Variants in DNAAF4 observed in about 807,000 individuals in gnomAD.
DNAAF4 encodes the protein dynein assembly factor 4, axonemal.
DNAAF4 carries 43 observed loss-of-function variants against 51.8 expected under a neutral mutation model. That is an observed-to-expected ratio of 0.83 (90% confidence interval 0.65 to 1.07). The LOEUF (loss-of-function observed/expected upper bound fraction) is 1.07, where lower values mean the gene tolerates loss of function less well. DNAAF4 is among the 50% of genes least tolerant of loss of function. The probability of loss-of-function intolerance (pLI) is 0.00; values close to 1 mark genes in which losing one functional copy is unlikely to be tolerated. For synonymous variants in DNAAF4, 194 were observed against 165.6 expected (o/e 1.17, Z -1.32); for missense variants, 581 against 493.0 (o/e 1.18, Z -1.69).
chr15:55,451,118 T>A (rs979371157), intron 5 of DNAAF4, among the ~76,000 whole-genome samples: 1 of 151,592 alleles, frequency 6.6e-6, no homozygotes, highest in African/African-American at 2.4e-5. Flanking sequence ...AAACGAAAAC[T>A]AGGAAAGGGT....
At chr15:55,460,179 A>ATTTTTTTTTTTTT in intron 5 of DNAAF4, among the ~76,000 whole-genome samples, 1 of 123,792 alleles carries the variant, frequency 8.1e-6, no homozygotes, top group Non-Finnish European at 1.9e-5. Flanking sequence ...TTATTTACTT[A>ATTTTTTTTTTTTT]TTTATTTATT....
intron 8 of DNAAF4, 61 bp from the exon 9 acceptor site, chr15:55,432,663 A>C: frequency 6.8e-7 from 1 of 1,467,546 alleles, no homozygotes; most frequent in Non-Finnish European, 9.3e-7. Context: ...AACAAGCAAA[A>C]GGCTGGGCAT....
At chr15:55,425,416 C>G (rs923752899), downstream of DNAAF4, among the ~76,000 whole-genome samples, 1 of 152,156 alleles carries the variant, frequency 6.6e-6, no homozygotes, top group Non-Finnish European at 1.5e-5. Context: ...CCTTCATTAC[C>G]CAACCTACTC....
chr15:55,442,717 T>G (rs1249525630), intron 6 of DNAAF4: 1 of 1,512,280 alleles, frequency 6.6e-7, no homozygotes, highest in Non-Finnish European at 9.2e-7. Context: ...ACTCTGAACA[T>G]TACTGGAAAC....
intron 4 of DNAAF4, among the ~76,000 whole-genome samples, chr15:55,479,041 G>A (rs976863709): frequency 2.6e-5 from 4 of 151,608 alleles, no homozygotes; most frequent in Non-Finnish European, 5.9e-5. Flanking sequence ...CTACTTTAAA[G>A]GATATGCAGT....
At chr15:55,443,220 G>C in intron 6 of DNAAF4, 1 of 1,609,182 alleles carries the variant, frequency 6.2e-7, no homozygotes, top group Non-Finnish European at 8.5e-7. Context: ...GGACAGAATA[G>C]TCCTTAAGAA....
rs541133292 is a variant in DNAAF4 at position 55,453,644 on chromosome 15, G to A, written c.638-3277C>T. On this transcript the variant is annotated intron_variant, in intron 5 of 9. Transcript: ENST00000321149. ...CGGCTCACTGCAAGCTCTGCCTCCCGGGTTCACGCCATTCTCCTGCCTCAG... is the reference window on the plus strand; with the variant it reads ...CGGCTCACTGCAAGCTCTGCCTCCCAGGTTCACGCCATTCTCCTGCCTCAG... 2.5e-4 allele frequency among the ~76,000 whole-genome samples: 36 copies of A among 145,102 alleles called. No homozygotes were observed. The Middle Eastern group carries it at 0.011, about 43-fold the overall frequency.
At chr15:55,424,763 A>G (rs561920688) in intron 7 of DNAAF4, among the ~76,000 whole-genome samples, 1 of 151,756 alleles carries the variant, frequency 6.6e-6, no homozygotes, top group Non-Finnish European at 1.5e-5. Context: ...GGGTTTCACC[A>G]TGTTGGTCAG....
chr15:55,445,029 A>AC (rs1229307398), intron 6 of DNAAF4, among the ~76,000 whole-genome samples: 30 of 113,858 alleles, frequency 2.6e-4, no homozygotes, highest in Non-Finnish European at 3.8e-4. Flanking sequence ...CTAATTGAAT[A>AC]CCCTTTTTTT....
chr15:55,475,626 C>T (rs1212285953), intron 4 of DNAAF4, among the ~76,000 whole-genome samples: 1 of 152,210 alleles, frequency 6.6e-6, no homozygotes, highest in African/African-American at 2.4e-5. Context: ...CTCCAGTGAA[C>T]ACTTCCTTTG....
At position 55,432,575 on chromosome 15, in the gene DNAAF4, T is replaced by C. The variant is rs1431977875; in HGVS notation, c.1075A>G (p.Thr359Ala). ...TTCATTCTTGCATTAGCATTGTCTG[T>C]AACAGGTGGCATCAATAATTCCAGT... ...KALELLMPPV[T>A]DNANARMKAH... The change falls in exon 9 of 10, where the codon ACA becomes GCA. Residue 359 changes from threonine to alanine, a missense_variant. Physicochemically the swap from Thr to Ala is moderately conservative, Grantham distance 58 (BLOSUM62 0). Transcript: ENST00000321149. 5.0e-6 allele frequency: 8 copies of C among 1,611,812 alleles called. No individual in the cohort carries two copies. The highest frequency in any genetic ancestry group is 1.3e-5 in the African/African-American group (1 of 74,928).
In DNAAF4 at chr15:55,467,996, A is replaced by G. The variant is rs1402413698; in HGVS notation, c.406-835T>C. ...TCTTACCTCTATCCACTAGAGAAGC[A>G]CTTACTTCAATGATCAAAATGTCTG... On this transcript the variant is annotated intron_variant, in intron 4 of 9. Coordinates refer to ENST00000321149, the MANE Select transcript of DNAAF4 (RefSeq NM_130810.4). Among the ~76,000 whole-genome samples, 3 of 152,280 alleles carry G rather than the reference A, an allele frequency of 2.0e-5. No homozygotes were observed. In the East Asian group the frequency reaches 5.8e-4, roughly 29 times the overall value.
chr15:55,501,384 T>C (rs988596431), intron 1 of DNAAF4, among the ~76,000 whole-genome samples: 12 of 143,626 alleles, frequency 8.4e-5, no homozygotes, highest in African/African-American at 2.8e-4. Context: ...TTCTTTTTTT[T>C]TTTTTTTTTG....
At chr15:55,449,923 T>G (rs1000230057) in intron 6 of DNAAF4, among the ~76,000 whole-genome samples, 1 of 151,820 alleles carries the variant, frequency 6.6e-6, no homozygotes, top group Non-Finnish European at 1.5e-5. Context: ...GGTCTTGAAC[T>G]CCTGACCTCA....
intron 4 of DNAAF4, among the ~76,000 whole-genome samples, chr15:55,477,930 C>T (rs2058358467): frequency 6.6e-6 from 1 of 151,498 alleles, no homozygotes. Context: ...TAAAAAATTA[C>T]CTGGGCATCA....
At chr15:55,485,706 A>G (rs1361095988) in intron 4 of DNAAF4, among the ~76,000 whole-genome samples, 1 of 152,168 alleles carries the variant, frequency 6.6e-6, no homozygotes, top group East Asian at 1.9e-4. Flanking sequence ...AGACAGGAAA[A>G]GTAGGCGGCC....
intron 9 of DNAAF4, among the ~76,000 whole-genome samples, chr15:55,431,458 C>G (rs919556734): frequency 6.7e-6 from 1 of 150,004 alleles, no homozygotes; most frequent in Admixed American, 6.7e-5. Context: ...TATCTCAAAT[C>G]ATTTATATAT....
chr15:55,498,495 C>G lies in DNAAF4; in HGVS notation c.-166G>C. 1 of 929,672 alleles carries G rather than the reference C, an allele frequency of 1.1e-6. No individual in the cohort carries two copies. Among genetic ancestry groups the G allele is most frequent in the Non-Finnish European group, 1.5e-6 (1 of 654,726 alleles). 57.6% of individuals were successfully genotyped at this position (929,672 alleles called of 1,614,324 possible). A position where few individuals can be genotyped will look rare whatever the true frequency, so the allele number is the denominator to read the frequency against. On this transcript the variant is annotated 5_prime_UTR_variant, in exon 2 of 10. Transcript: ENST00000321149. ...AGCACCTCGCGGACTCCATGCGTGA[C>G]TATCCAGGCGCCCAGACCAGAGAGT...
At chr15:55,432,048 C>T (rs372602029) in intron 9 of DNAAF4, among the ~76,000 whole-genome samples, 2 of 152,000 alleles carry the variant, frequency 1.3e-5, no homozygotes, top group African/African-American at 4.8e-5. Flanking sequence ...CTCCGCCTCC[C>T]GGGTTCAAGG....
Sources: gnomAD v4.1 joint callset for allele counts (sites outside exome capture counted in the v4.1 genomes callset) on GRCh38, gnomAD v4.1.1 for gene constraint, MANE v1.5 for transcripts, NCBI Gene and HGNC (gene_info 2026-07-23, HGNC 2026-07-21) for gene names.